The following NT5DC1 variants were observed in gnomAD, a reference collection of about 807,000 sequenced individuals.
NT5DC1 encodes the protein 5'-nucleotidase domain-containing protein 1.
Under a neutral mutation model 59.4 loss-of-function variants are expected in NT5DC1, and 42 were observed. The observed-to-expected ratio is 0.71, with a 90% confidence interval of 0.55 to 0.92. The LOEUF (loss-of-function observed/expected upper bound fraction) is 0.92, where lower values mean the gene tolerates loss of function less well. NT5DC1 is among the 40% of genes least tolerant of loss of function. The pLI is 0.00. For synonymous variants in NT5DC1, 172 were observed against 188.1 expected, an observed-to-expected ratio of 0.91 and a Z score of 0.70; for missense variants, 501 against 537.1, an observed-to-expected ratio of 0.93 and a Z score of 0.66.
At chr6:116,195,611 A>G (rs1377889662) in intron 6 of NT5DC1, among the ~76,000 whole-genome samples, 2 of 152,040 alleles carry the variant, frequency 1.3e-5, no homozygotes, top group African/African-American at 2.4e-5. Context: ...CCTCAAATGT[A>G]CATAATCAGG....
At chr6:116,204,616 A>G (rs939880418) in intron 6 of NT5DC1, among the ~76,000 whole-genome samples, 1 of 152,008 alleles carries the variant, frequency 6.6e-6, no homozygotes, top group African/African-American at 2.4e-5. Context: ...TTTAACATTT[A>G]TAAGCCCTAA....
chr6:116,102,453 T>C (rs536945046), intron 1 of NT5DC1, among the ~76,000 whole-genome samples: 5 of 152,350 alleles, frequency 3.3e-5, no homozygotes, highest in African/African-American at 1.2e-4. Context: ...CCCCTAGGTC[T>C]TTGATACATG....
Position 116,120,722 on chromosome 6 carries a change from G to A in NT5DC1, c.529+2777G>A, listed in dbSNP as rs777567387. ...ACCGGGACTTCCTGGATCCCCTTTA[G>A]ACCCAGGGAATCCTGGAATGCCTGG... On this transcript the variant is annotated intron_variant, in intron 6 of 11. Transcript: ENST00000319550. The A allele has an allele frequency of 9.5e-6, 15 of 1,584,310 alleles. No individual in the cohort carries two copies. In the South Asian group the frequency reaches 1.7e-4, roughly 18 times the overall value.
Position 116,100,923 on chromosome 6 carries a change from G to C in NT5DC1, c.-8G>C, listed in dbSNP as rs767050613. On this transcript the variant is annotated 5_prime_UTR_variant, in exon 1 of 12. Transcript: ENST00000319550. Reference sequence around the variant, plus strand: ...GCCGAGGCGCTCCCTGGTGCTCCCCGCGCAGCCATGGCTCAGCACTTCTCC... The same window carrying C: ...GCCGAGGCGCTCCCTGGTGCTCCCCCCGCAGCCATGGCTCAGCACTTCTCC... The C allele has an allele frequency of 6.3e-7, 1 of 1,592,836 alleles. No homozygotes were observed. The highest frequency in any genetic ancestry group is 8.5e-7 in the Non-Finnish European group (1 of 1,171,808).
intron 6 of NT5DC1, among the ~76,000 whole-genome samples, chr6:116,216,873 G>A (rs1416460996): frequency 6.6e-6 from 1 of 152,074 alleles, no homozygotes; most frequent in African/African-American, 2.4e-5. Flanking sequence ...TCATCGCTAG[G>A]CATTTTAGCT....
At chr6:116,126,816 C>T (rs1779327892) in intron 6 of NT5DC1, among the ~76,000 whole-genome samples, 1 of 151,928 alleles carries the variant, frequency 6.6e-6, no homozygotes, top group Non-Finnish European at 1.5e-5. Context: ...GTGTTTATTT[C>T]AGGAGAAAAA....
chr6:116,134,613 G>T (rs974081342), intron 6 of NT5DC1, among the ~76,000 whole-genome samples: 3 of 152,136 alleles, frequency 2.0e-5, no homozygotes, highest in Non-Finnish European at 4.4e-5. Flanking sequence ...AGGGCCATTC[G>T]CATGGTGCTG....
chr6:116,104,148 C>CT lies in NT5DC1; in HGVS notation c.94-2095dup, dbSNP rs576298518. ...GGCTTCTAGAGAGACTCAGCGTACT[C>CT]TAAGGACAAACTGCAAGAAGCCTTC... On this transcript the variant is annotated intron_variant, in intron 1 of 11. Transcript: ENST00000319550. 2.4e-4 allele frequency among the ~76,000 whole-genome samples: 36 copies of CT among 152,292 alleles called. No homozygotes were observed. The South Asian group carries it at 7.0e-3, about 30-fold the overall frequency.
At chr6:116,196,958 C>G (rs899533439) in intron 6 of NT5DC1, among the ~76,000 whole-genome samples, 4 of 151,558 alleles carry the variant, frequency 2.6e-5, no homozygotes, top group African/African-American at 9.7e-5. Flanking sequence ...AGAGTTCTAT[C>G]TAGTTGCATC....
In NT5DC1 at chr6:116,120,265, A is replaced by G. The variant is rs61745148; in HGVS notation, c.529+2320A>G. On this transcript the variant is annotated intron_variant, in intron 6 of 11. Transcript: ENST00000319550. ...CATAGGTGTACATTACAGGGGTGCC[A>G]TTCTTATACAGGCCTACCCAAACAT... The G allele has an allele frequency of 6.5e-4, 1,055 of 1,614,240 alleles. 3 individuals carry two copies. In the African/African-American group the frequency reaches 1.0e-2, roughly 15 times the overall value.
chr6:116,225,434 GAAGA>G (rs1459073259), intron 8 of NT5DC1, among the ~76,000 whole-genome samples: 1 of 152,188 alleles, frequency 6.6e-6, no homozygotes, highest in Non-Finnish European at 1.5e-5. Flanking sequence ...TAAAGATAGA[GAAGA>G]AAGAGTGCAG....
At chr6:116,197,215 G>A (rs1421409643) in intron 6 of NT5DC1, among the ~76,000 whole-genome samples, 1 of 151,890 alleles carries the variant, frequency 6.6e-6, no homozygotes, top group Non-Finnish European at 1.5e-5. Context: ...ATCTGGCCAC[G>A]GATCTGCTTT....
chr6:116,230,230 A>G (rs911855551), intron 8 of NT5DC1, among the ~76,000 whole-genome samples: 1 of 152,104 alleles, frequency 6.6e-6, no homozygotes, highest in African/African-American at 2.4e-5. Context: ...AATTTCCCAC[A>G]TCTTTTTTTA....
chr6:116,121,751 G>A (rs1779136697), intron 6 of NT5DC1: 2 of 1,613,770 alleles, frequency 1.2e-6, no homozygotes, highest in African/African-American at 1.3e-5. Context: ...TGGTCCATAT[G>A]GTCCTCTCTC....
chr6:116,197,437 G>A (rs1650409759), intron 6 of NT5DC1, among the ~76,000 whole-genome samples: 1 of 151,972 alleles, frequency 6.6e-6, no homozygotes, highest in Non-Finnish European at 1.5e-5. Context: ...AAGATACTGG[G>A]AAGAATCTTC....
At chr6:116,167,838 T>C (rs1490431472) in intron 6 of NT5DC1, among the ~76,000 whole-genome samples, 1 of 152,178 alleles carries the variant, frequency 6.6e-6, no homozygotes, top group Non-Finnish European at 1.5e-5. Flanking sequence ...AGCTAAACAA[T>C]CATATCTGTG....
intron 6 of NT5DC1, among the ~76,000 whole-genome samples, chr6:116,212,874 T>G (rs961975): frequency 6.6e-6 from 1 of 152,162 alleles, no homozygotes; most frequent in Non-Finnish European, 1.5e-5. Flanking sequence ...TTTAAACTGT[T>G]TAAAACATTT....
At position 116,130,658 on chromosome 6, in the gene NT5DC1, T is replaced by G. The variant is rs576727807; in HGVS notation, c.529+12713T>G. ...AGCTAAGAAACGTATGCACAGGGTG[T>G]TCATTAAATATAAGATATATGATAA... On this transcript the variant is annotated intron_variant, in intron 6 of 11. Coordinates refer to ENST00000319550, the MANE Select transcript of NT5DC1 (RefSeq NM_152729.3). Among the ~76,000 whole-genome samples, 602 of 152,200 alleles carry G rather than the reference T, an allele frequency of 4.0e-3. 6 individuals are homozygous for G. Among genetic ancestry groups the G allele is most frequent in the African/African-American group, 0.014 (569 of 41,508 alleles).
At chr6:116,133,986 G>A (rs766919238) in intron 6 of NT5DC1, among the ~76,000 whole-genome samples, 13 of 152,142 alleles carry the variant, frequency 8.5e-5, no homozygotes, top group Non-Finnish European at 1.8e-4. Flanking sequence ...TAACTTATGA[G>A]TCAAAAATAA....
Sources: gnomAD v4.1 joint callset for allele counts (sites outside exome capture counted in the v4.1 genomes callset) on GRCh38, gnomAD v4.1.1 for gene constraint, MANE v1.5 for transcripts, NCBI Gene and HGNC (gene_info 2026-07-23, HGNC 2026-07-21) for gene names.